CDKAL1: variants seen among roughly 807,000 people sequenced by gnomAD.
CDKAL1 encodes the protein threonylcarbamoyladenosine tRNA methylthiotransferase.
In CDKAL1, 32 loss-of-function variants were observed where a neutral mutation model predicts 68.2. That is an observed-to-expected ratio of 0.47 (90% CI 0.35 to 0.63). The LOEUF is 0.63. CDKAL1 is among the 30% of genes least tolerant of loss of function. CDKAL1 has a pLI of 0.00. For missense variants in CDKAL1, 606 were observed against 696.7 expected (o/e 0.87, Z 1.47); for synonymous variants, 234 against 244.3 (o/e 0.96, Z 0.39).
At position 20,846,099 on chromosome 6, in the gene CDKAL1, C is replaced by T; in HGVS notation, c.663C>T (p.Cys221=). The change falls in exon 9 of 16, where the codon TGC becomes TGT. Residue 221 remains cysteine, a synonymous_variant. Coordinates refer to ENST00000274695, the MANE Select transcript of CDKAL1 (RefSeq NM_017774.3). ...NTGCLNACTY[C]KTKHARGNLA... is the part of the protein sequence containing the mutation. Reference sequence around the variant, plus strand: ...GGTGTCTCAATGCTTGTACCTACTGCAAAACTAAACACGCCAGAGGAAATT... The same window carrying T: ...GGTGTCTCAATGCTTGTACCTACTGTAAAACTAAACACGCCAGAGGAAATT... 9.9e-6 allele frequency: 16 copies of T among 1,612,656 alleles called. No individual in the cohort carries two copies. The highest frequency in any genetic ancestry group is 1.3e-5 in the Non-Finnish European group (15 of 1,179,112).
chr6:20,589,515 C>T (rs1399160381), intron 4 of CDKAL1, among the ~76,000 whole-genome samples: 1 of 152,148 alleles, frequency 6.6e-6, no homozygotes, highest in Non-Finnish European at 1.5e-5. Context: ...AATATTGTTT[C>T]TCAAGTTTCC....
intron 4 of CDKAL1, among the ~76,000 whole-genome samples, chr6:20,578,958 G>A (rs1765026250): frequency 6.6e-6 from 1 of 152,286 alleles, no homozygotes; most frequent in Non-Finnish European, 1.5e-5. Flanking sequence ...GCAGTAGCTA[G>A]TTTAGATTCG....
chr6:20,614,611 C>T (rs1371647122), intron 4 of CDKAL1, among the ~76,000 whole-genome samples: 1 of 152,086 alleles, frequency 6.6e-6, no homozygotes, highest in African/African-American at 2.4e-5. Context: ...CTCAGCAAGA[C>T]CCCCCTACTT....
Position 21,084,890 on chromosome 6 carries a change from C to T in CDKAL1, c.1236+19662C>T, listed in dbSNP as rs140145963. The stretch of plus-strand genomic sequence containing the variant: ...AGGCTTGGCAGAGAGCCCCGGGAGC[C>T]CCACAATCCCCTGGGAGCAGCCTTC... On this transcript the variant is annotated intron_variant, in intron 12 of 15. Transcript: ENST00000274695. 8.3e-3 allele frequency among the ~76,000 whole-genome samples: 1,269 copies of T among 152,268 alleles called. 23 individuals carry two copies. Among genetic ancestry groups the T allele is most frequent in the African/African-American group, 0.029 (1,190 of 41,546 alleles).
intron 10 of CDKAL1, among the ~76,000 whole-genome samples, chr6:20,988,351 T>C (rs1480367321): frequency 6.6e-6 from 1 of 152,120 alleles, no homozygotes. Flanking sequence ...TAATCTGTTC[T>C]GGAAATACCC....
intron 15 of CDKAL1, among the ~76,000 whole-genome samples, chr6:21,214,079 G>C (rs1450561900): frequency 6.6e-6 from 1 of 152,076 alleles, no homozygotes; most frequent in Non-Finnish European, 1.5e-5. Flanking sequence ...ACACCAGAAA[G>C]GGCAAATATT....
chr6:20,706,060 C>A (rs141279029), intron 5 of CDKAL1, among the ~76,000 whole-genome samples: 1 of 152,054 alleles, frequency 6.6e-6, no homozygotes, highest in Non-Finnish European at 1.5e-5. Flanking sequence ...TGATGAGGGC[C>A]GTCCTTGACC....
intron 8 of CDKAL1, among the ~76,000 whole-genome samples, chr6:20,831,302 TTAAAGAAG>T (rs1331821443): frequency 4.6e-5 from 7 of 152,178 alleles, no homozygotes; most frequent in Admixed American, 3.3e-4. Context: ...GTCAAGATAC[TTAAAGAAG>T]TGGCAGTTGG....
intron 5 of CDKAL1, among the ~76,000 whole-genome samples, chr6:20,738,946 G>A (rs1459952551): frequency 6.6e-6 from 1 of 152,218 alleles, no homozygotes; most frequent in Non-Finnish European, 1.5e-5. Flanking sequence ...GCTTGCATAT[G>A]TGAGGGATAG....
At chr6:20,916,485 G>A (rs1348628143) in intron 9 of CDKAL1, among the ~76,000 whole-genome samples, 1 of 152,140 alleles carries the variant, frequency 6.6e-6, no homozygotes, top group African/African-American at 2.4e-5. Context: ...CAAGAGTATA[G>A]CACTGAAGCG....
At chr6:21,076,519 G>A (rs967127200) in intron 12 of CDKAL1, among the ~76,000 whole-genome samples, 2 of 152,074 alleles carry the variant, frequency 1.3e-5, no homozygotes, top group African/African-American at 2.4e-5. Flanking sequence ...AGAATATCAG[G>A]TTGCCTTAAT....
In CDKAL1 at chr6:21,019,535, A is replaced by G. The variant is rs545147913; in HGVS notation, c.1055+19163A>G. Among the ~76,000 whole-genome samples, 17 of 152,326 alleles carry G rather than the reference A, an allele frequency of 1.1e-4. No homozygotes were observed. In the East Asian group the frequency reaches 1.2e-3, roughly 10 times the overall value. On this transcript the variant is annotated intron_variant, in intron 11 of 15. Transcript: ENST00000274695. ...CATTAAAAAATAGACTTGAGGCTAT[A>G]TAACACAAATATTAGTGGTGTCGTC... is the stretch of plus-strand genomic sequence containing the variant.
intron 13 of CDKAL1, among the ~76,000 whole-genome samples, chr6:21,109,957 A>G (rs762988334): frequency 3.3e-4 from 50 of 152,222 alleles, no homozygotes; most frequent in Non-Finnish European, 5.9e-4. Flanking sequence ...GAACCTAGCC[A>G]TTTGCAGCTT....
chr6:20,632,595 T>C (rs1333127869), intron 4 of CDKAL1, among the ~76,000 whole-genome samples: 1 of 152,208 alleles, frequency 6.6e-6, no homozygotes, highest in Non-Finnish European at 1.5e-5. Context: ...TAATTTTTGA[T>C]TGCTGACAAC....
intron 11 of CDKAL1, among the ~76,000 whole-genome samples, chr6:21,032,097 A>G (rs1352616980): frequency 1.3e-5 from 2 of 152,124 alleles, no homozygotes; most frequent in Non-Finnish European, 2.9e-5. Flanking sequence ...CAACCAACCC[A>G]TGGATCTTTG....
chr6:21,146,850 CAAAAAAAAAAA>C (rs1194653980), intron 13 of CDKAL1, among the ~76,000 whole-genome samples: 1 of 78,260 alleles, frequency 1.3e-5, no homozygotes, highest in African/African-American at 5.3e-5. Context: ...GACTCCGTCT[CAAAAAAAAAAA>C]AAAAAAAAAA....
chr6:20,590,597 A>T (rs1469730617), intron 4 of CDKAL1, among the ~76,000 whole-genome samples: 1 of 151,986 alleles, frequency 6.6e-6, no homozygotes, highest in Non-Finnish European at 1.5e-5. Context: ...TATGAGTGAG[A>T]ACATGCAGTG....
chr6:20,867,061 T>G (rs1459000148), intron 9 of CDKAL1, among the ~76,000 whole-genome samples: 1 of 152,182 alleles, frequency 6.6e-6, no homozygotes, highest in East Asian at 1.9e-4. Context: ...TGAAAGTCTG[T>G]GGAGAGAAGC....
intron 5 of CDKAL1, among the ~76,000 whole-genome samples, chr6:20,660,803 A>G (rs10946398): frequency 1.3e-5 from 2 of 152,068 alleles, no homozygotes; most frequent in South Asian, 4.2e-4. Flanking sequence ...TAGTATCGTT[A>G]TGCTGTCATT....
Sources: allele counts gnomAD v4.1 joint callset (sites outside exome capture counted in the v4.1 genomes callset), GRCh38; gene constraint gnomAD v4.1.1; transcripts MANE v1.5; gene names NCBI Gene and HGNC (gene_info 2026-07-23, HGNC 2026-07-21).